NPSR1: variants seen among roughly 807,000 people sequenced by gnomAD.
NPSR1 encodes the protein neuropeptide S receptor 1, also known as neuropeptide S receptor.
In NPSR1, 48 loss-of-function variants were observed where a neutral mutation model predicts 46.9. The ratio of observed to expected loss-of-function variants is 1.02; its 90% CI spans 0.81 to 1.30. The LOEUF (loss-of-function observed/expected upper bound fraction) is 1.30, where lower values mean the gene tolerates loss of function less well. NPSR1 is among the 50% of genes most tolerant of loss of function. The probability of loss-of-function intolerance (pLI) is 0.00; values close to 1 mark genes in which losing one functional copy is unlikely to be tolerated. For synonymous variants in NPSR1, 176 were observed against 168.1 expected (o/e 1.05, Z -0.36); for missense variants, 450 against 449.5 (o/e 1.00, Z -0.01).
chr7:34,696,841 G>C (rs1490334648), intron 2 of NPSR1, among the ~76,000 whole-genome samples: 2 of 151,760 alleles, frequency 1.3e-5, no homozygotes, highest in East Asian at 3.9e-4. Context: ...GCACCATAAA[G>C]GACAACAGCA....
At chr7:34,784,655 T>C (rs1211580552) in intron 3 of NPSR1, among the ~76,000 whole-genome samples, 4 of 152,192 alleles carry the variant, frequency 2.6e-5, no homozygotes, top group African/African-American at 9.7e-5. Context: ...CTTTTTTTTG[T>C]TGTGTCTCTG....
chr7:34,863,327 C>T (rs1791233743), intron 8 of NPSR1, among the ~76,000 whole-genome samples: 1 of 151,826 alleles, frequency 6.6e-6, no homozygotes, highest in Admixed American at 6.6e-5. Context: ...TGGGCAAAGA[C>T]TTTATGACTA....
At chr7:34,845,247 G>GCTGAAGTGGA (rs1562770053) in intron 7 of NPSR1, among the ~76,000 whole-genome samples, 2 of 152,310 alleles carry the variant, frequency 1.3e-5, no homozygotes, top group Admixed American at 1.3e-4. Context: ...GACCTAACTA[G>GCTGAAGTGGA]CTGAAGTGGA....
intron 2 of NPSR1, among the ~76,000 whole-genome samples, chr7:34,744,783 C>T (rs1785120939): frequency 6.6e-6 from 1 of 152,174 alleles, no homozygotes; most frequent in South Asian, 2.1e-4. Context: ...TTATTTAAAA[C>T]CAGGACTTTG....
At chr7:34,783,504 G>T (rs545590806) in intron 3 of NPSR1, among the ~76,000 whole-genome samples, 1 of 152,038 alleles carries the variant, frequency 6.6e-6, no homozygotes, top group African/African-American at 2.4e-5. Flanking sequence ...TTCAAGATGA[G>T]ATTTGGGTAG....
chr7:34,703,457 A>T (rs1793950329), intron 2 of NPSR1, among the ~76,000 whole-genome samples: 1 of 151,816 alleles, frequency 6.6e-6, no homozygotes, highest in Non-Finnish European at 1.5e-5. Context: ...CCCACACTTG[A>T]TTGTCTTATT....
intron 8 of NPSR1, among the ~76,000 whole-genome samples, chr7:34,862,496 G>A (rs1791212783): frequency 6.6e-6 from 1 of 151,624 alleles, no homozygotes; most frequent in Admixed American, 6.6e-5. Flanking sequence ...TCCTCCCATA[G>A]CCATGGGATC....
In NPSR1 at chr7:34,833,950, T is replaced by A. The variant is rs554728423; in HGVS notation, c.681-434T>A. ...TGATTAGAGGCAAGTCACCTGCTCTTCCCACACTAAAGGGGTGAGGATCAA... is the reference window on the plus strand; with the variant it reads ...TGATTAGAGGCAAGTCACCTGCTCTACCCACACTAAAGGGGTGAGGATCAA... On this transcript the variant is annotated intron_variant, in intron 5 of 8. Transcript: ENST00000360581. 1.6e-4 allele frequency among the ~76,000 whole-genome samples: 25 copies of A among 152,266 alleles called. No individual in the cohort carries two copies. In the East Asian group the frequency reaches 4.4e-3, roughly 27 times the overall value.
chr7:34,757,722 G>A (rs1366297107), intron 2 of NPSR1, among the ~76,000 whole-genome samples: 9 of 152,040 alleles, frequency 5.9e-5, no homozygotes, highest in African/African-American at 1.2e-4. Flanking sequence ...ACCCAACCTC[G>A]GCCCAACCCT....
At chr7:34,807,816 G>T (rs1788776929) in intron 3 of NPSR1, among the ~76,000 whole-genome samples, 1 of 151,864 alleles carries the variant, frequency 6.6e-6, no homozygotes, top group Non-Finnish European at 1.5e-5. Context: ...TTGTTTGTTT[G>T]TTGCTATTTA....
In NPSR1 at chr7:34,872,378, A is replaced by C. The variant is rs190664161; in HGVS notation, c.1026-5698A>C. ...GGAAGGGACCACCCCAAGACTTCTA[A>C]AGTGCCTTCAAGGCCTTTTTCCCAT... On this transcript the variant is annotated intron_variant, in intron 8 of 8. Transcript: ENST00000359791. Among the ~76,000 whole-genome samples the C allele has an allele frequency of 7.2e-5, 11 of 152,086 alleles. No homozygotes were observed. In the East Asian group the frequency reaches 2.1e-3, roughly 29 times the overall value.
intron 5 of NPSR1, among the ~76,000 whole-genome samples, chr7:34,831,786 C>T (rs772176964): frequency 4.6e-5 from 7 of 151,896 alleles, no homozygotes; most frequent in Non-Finnish European, 1.0e-4. Flanking sequence ...TTTTCATTCT[C>T]TTATCATTTT....
chr7:34,699,171 T>C lies in NPSR1; in HGVS notation c.280+14487T>C, dbSNP rs141935472. 6.3e-3 allele frequency among the ~76,000 whole-genome samples: 956 copies of C among 152,148 alleles called. 10 individuals are homozygous for C. Among genetic ancestry groups the C allele is most frequent in the African/African-American group, 0.022 (900 of 41,494 alleles). ...CTGGCTCAAGCTTAGCATGGATGAG[T>C]TGTTCTCACATAAAGATGCTGTTAT... On this transcript the variant is annotated intron_variant, in intron 2 of 8. Coordinates refer to ENST00000360581, the MANE Select transcript of NPSR1 (RefSeq NM_207172.2).
At chr7:34,694,861 C>T (rs1216369883) in intron 2 of NPSR1, among the ~76,000 whole-genome samples, 1 of 152,178 alleles carries the variant, frequency 6.6e-6, no homozygotes, top group Non-Finnish European at 1.5e-5. Flanking sequence ...AGGTGCGCAT[C>T]ACCATGCCCA....
At chr7:34,819,759 G>T (rs1185763281) in intron 4 of NPSR1, among the ~76,000 whole-genome samples, 3 of 152,178 alleles carry the variant, frequency 2.0e-5, no homozygotes, top group Non-Finnish European at 4.4e-5. Context: ...GGATGAGTTT[G>T]TGTCCTTTGC....
chr7:34,676,614 T>C (rs915193787), intron 1 of NPSR1, among the ~76,000 whole-genome samples: 1 of 152,210 alleles, frequency 6.6e-6, no homozygotes, highest in Admixed American at 6.5e-5. Flanking sequence ...ATGACCCTTG[T>C]ACTAGTCAGT....
chr7:34,727,669 T>C (rs546026972), intron 2 of NPSR1, among the ~76,000 whole-genome samples: 14 of 152,344 alleles, frequency 9.2e-5, no homozygotes, highest in African/African-American at 3.1e-4. Context: ...ACTGAATCCA[T>C]GACATCAGTA....
chr7:34,705,009 C>A (rs1031496784), intron 2 of NPSR1, among the ~76,000 whole-genome samples: 3 of 152,216 alleles, frequency 2.0e-5, no homozygotes, highest in East Asian at 3.9e-4. Flanking sequence ...TCTCTCAATG[C>A]ATTATTTGTA....
intron 2 of NPSR1, among the ~76,000 whole-genome samples, chr7:34,772,824 T>C (rs938387405): frequency 6.6e-6 from 1 of 152,158 alleles, no homozygotes; most frequent in African/African-American, 2.4e-5. Context: ...TCTCCCCATA[T>C]GCCTGCCTTT....
Sources: allele counts gnomAD v4.1 joint callset (sites outside exome capture counted in the v4.1 genomes callset), GRCh38; gene constraint gnomAD v4.1.1; transcripts MANE v1.5; gene names NCBI Gene and HGNC (gene_info 2026-07-23, HGNC 2026-07-21).